RBFOX1: variants seen among roughly 807,000 people sequenced by gnomAD.
The protein encoded by RBFOX1 is RNA binding protein fox-1 homolog 1.
A neutral mutation model predicts 57.7 loss-of-function variants in RBFOX1; 8 were observed. The observed-to-expected ratio is 0.14, with a 90% CI of 0.08 to 0.25. The LOEUF (loss-of-function observed/expected upper bound fraction) is 0.25. Ranked by LOEUF, RBFOX1 falls within the 10% of genes least tolerant of loss-of-function variation. RBFOX1 has a pLI of 1.00. For missense variants in RBFOX1, 611 were observed against 548.5 expected, an observed-to-expected ratio of 1.11 and a Z score of -1.14; for synonymous variants, 326 against 222.4, an observed-to-expected ratio of 1.47 and a Z score of -4.15.
chr16:5,918,492 C>A (rs575382647), intron 4 of RBFOX1, among the ~76,000 whole-genome samples: 1 of 152,276 alleles, frequency 6.6e-6, no homozygotes, highest in East Asian at 1.9e-4. Flanking sequence ...AGTTCCGTAT[C>A]GTAAGTCACC....
intron 4 of RBFOX1, among the ~76,000 whole-genome samples, chr16:5,915,706 C>A (rs2058690699): frequency 6.6e-6 from 1 of 152,100 alleles, no homozygotes; most frequent in Admixed American, 6.5e-5. Context: ...GTGGCGCTTG[C>A]CTGTAATCTC....
intron 1 of RBFOX1, among the ~76,000 whole-genome samples, chr16:6,217,237 G>C (rs939960945): frequency 8.7e-6 from 1 of 114,716 alleles, no homozygotes; most frequent in Non-Finnish European, 1.7e-5. Context: ...TTTATTGAAT[G>C]TCCCACTTTC....
At chr16:6,524,422 T>A (rs1295815616) in intron 2 of RBFOX1, among the ~76,000 whole-genome samples, 1 of 152,222 alleles carries the variant, frequency 6.6e-6, no homozygotes, top group Non-Finnish European at 1.5e-5. Flanking sequence ...TTTCCAGATC[T>A]TTTTATGGCA....
intron 1 of RBFOX1, among the ~76,000 whole-genome samples, chr16:6,102,079 G>C (rs2096316824): frequency 6.6e-6 from 1 of 151,858 alleles, no homozygotes. Flanking sequence ...GTGTGTAGCA[G>C]GGTGGTCTGA....
At chr16:5,584,826 A>C (rs917862894) in intron 2 of RBFOX1, among the ~76,000 whole-genome samples, 10 of 152,322 alleles carry the variant, frequency 6.6e-5, no homozygotes, top group Non-Finnish European at 1.0e-4. Flanking sequence ...TACAGACCCT[A>C]TTAATTTTAA....
Position 7,575,114 on chromosome 16 carries a change from G to A in RBFOX1, c.271-4663G>A, listed in dbSNP as rs541761181. Among the ~76,000 whole-genome samples, 114 of 152,010 alleles carry A rather than the reference G, an allele frequency of 7.5e-4. 1 individual carries two copies. Among genetic ancestry groups the A allele is most frequent in the African/African-American group, 2.7e-3 (112 of 41,476 alleles). ...CTAAGGATCAACACAAAATCCTCCTGGATTTAGGATGGGCTCAACAATTAA... is the reference window on the plus strand; with the variant it reads ...CTAAGGATCAACACAAAATCCTCCTAGATTTAGGATGGGCTCAACAATTAA... On this transcript the variant is annotated intron_variant, in intron 5 of 15. Transcript: ENST00000550418.
chr16:5,454,870 C>CT (rs1166445065), intron 1 of RBFOX1, among the ~76,000 whole-genome samples: 60 of 55,068 alleles, frequency 1.1e-3, no homozygotes, highest in Non-Finnish European at 1.8e-3. Flanking sequence ...TTCTTTCTTT[C>CT]TTTCTTTCTT....
chr16:6,271,897 A>G (rs1027252338), intron 1 of RBFOX1, among the ~76,000 whole-genome samples: 8 of 152,172 alleles, frequency 5.3e-5, no homozygotes, highest in Non-Finnish European at 8.8e-5. Flanking sequence ...CCAAGTCCAT[A>G]TATCCTCTTC....
chr16:6,058,320 C>G (rs761071979), intron 1 of RBFOX1, among the ~76,000 whole-genome samples: 3 of 151,420 alleles, frequency 2.0e-5, no homozygotes, highest in Non-Finnish European at 4.4e-5. Flanking sequence ...CTTCCTCCCT[C>G]CTCTCCTTCC....
chr16:6,938,038 G>A (rs1451669009), intron 3 of RBFOX1, among the ~76,000 whole-genome samples: 2 of 151,864 alleles, frequency 1.3e-5, no homozygotes, highest in Non-Finnish European at 2.9e-5. Flanking sequence ...TGTAGAAATG[G>A]GAGCTAATTG....
chr16:5,259,654 A>G (rs1596325307), intron 1 of RBFOX1, among the ~76,000 whole-genome samples: 1 of 152,242 alleles, frequency 6.6e-6, no homozygotes, highest in East Asian at 1.9e-4. Context: ...TTTAAGAAGA[A>G]TCTTTTTGCC....
intron 1 of RBFOX1, among the ~76,000 whole-genome samples, chr16:6,173,604 C>CTATTT (rs2096978905): frequency 1.4e-5 from 1 of 70,948 alleles, no homozygotes; most frequent in African/African-American, 5.9e-5. Context: ...TGACCACTCC[C>CTATTT]TTTTTTTTTT....
chr16:6,883,953 G>A (rs10083758), intron 3 of RBFOX1, among the ~76,000 whole-genome samples: 8 of 152,076 alleles, frequency 5.3e-5, no homozygotes, highest in African/African-American at 1.7e-4. Context: ...TACTTGCCAC[G>A]GTCCAAAGCG....
intron 7 of RBFOX1, among the ~76,000 whole-genome samples, chr16:7,588,851 C>T (rs189571310): frequency 3.2e-3 from 493 of 152,192 alleles, no homozygotes; most frequent in African/African-American, 0.011. Flanking sequence ...TGATGTTGAT[C>T]ATATCAAGGA....
chr16:5,354,525 C>T (rs964498348), intron 1 of RBFOX1, among the ~76,000 whole-genome samples: 4 of 152,124 alleles, frequency 2.6e-5, no homozygotes, highest in Admixed American at 6.5e-5. Context: ...AGGTGGTGCC[C>T]GCAATGTGGG....
intron 2 of RBFOX1, among the ~76,000 whole-genome samples, chr16:5,481,040 G>T (rs181957973): frequency 1.3e-5 from 2 of 152,224 alleles, no homozygotes; most frequent in African/African-American, 4.8e-5. Context: ...GTGAATGCCT[G>T]TTATCCCACA....
At chr16:6,086,699 C>T (rs2096090334) in intron 1 of RBFOX1, among the ~76,000 whole-genome samples, 1 of 152,124 alleles carries the variant, frequency 6.6e-6, no homozygotes. Flanking sequence ...TTGAAGAATA[C>T]CTTCTTTTGT....
chr16:6,240,482 A>T (rs144998204), intron 1 of RBFOX1, among the ~76,000 whole-genome samples: 2 of 151,902 alleles, frequency 1.3e-5, no homozygotes, highest in South Asian at 4.2e-4. Flanking sequence ...GCTTGAAGGT[A>T]CCCCAGGCCC....
chr16:6,349,097 A>G (rs956728787), intron 2 of RBFOX1, among the ~76,000 whole-genome samples: 1 of 152,164 alleles, frequency 6.6e-6, no homozygotes, highest in Non-Finnish European at 1.5e-5. Context: ...GTGGGTTGCT[A>G]TCTCTTTCAA....
Sources: gnomAD v4.1 joint callset for allele counts (sites outside exome capture counted in the v4.1 genomes callset) on GRCh38, gnomAD v4.1.1 for gene constraint, MANE v1.5 for transcripts, NCBI Gene and HGNC (gene_info 2026-07-23, HGNC 2026-07-21) for gene names.